The following ARHGEF7 variants were observed in gnomAD, a reference collection of about 807,000 sequenced individuals.
ARHGEF7 encodes the protein PAK-interacting exchange factor beta.
A neutral mutation model predicts 109.8 loss-of-function variants in ARHGEF7; 33 were observed. The ratio of observed to expected loss-of-function variants is 0.30; its 90% CI spans 0.23 to 0.40. The LOEUF is 0.40. Ranked by LOEUF, ARHGEF7 falls within the 10% of genes least tolerant of loss-of-function variation. ARHGEF7 has a pLI of 1.00. For missense variants in ARHGEF7, 938 were observed against 1,098.5 expected, an observed-to-expected ratio of 0.85 and a Z score of 2.07; for synonymous variants, 458 against 424.6, an observed-to-expected ratio of 1.08 and a Z score of -0.97.
intron 5 of ARHGEF7, among the ~76,000 whole-genome samples, chr13:111,221,500 T>TATAGATATGTAGAC (rs1555372674): frequency 1.2e-5 from 1 of 81,828 alleles, no homozygotes; most frequent in Non-Finnish European, 2.4e-5. Flanking sequence ...GACATATATA[T>TATAGATATGTAGAC]ATCTATATAT....
At chr13:111,195,715 G>A (rs573611705) in intron 2 of ARHGEF7, among the ~76,000 whole-genome samples, 8 of 152,290 alleles carry the variant, frequency 5.3e-5, no homozygotes, top group East Asian at 3.9e-4. Context: ...TCGGCATAGC[G>A]GACATGGATG....
At chr13:111,232,718 C>G (rs1240951310) in intron 5 of ARHGEF7, among the ~76,000 whole-genome samples, 1 of 152,140 alleles carries the variant, frequency 6.6e-6, no homozygotes, top group Non-Finnish European at 1.5e-5. Context: ...CTTTCTCCTC[C>G]TTGTCTCCTG....
rs1022420285 is a variant in ARHGEF7 at position 111,304,511 on chromosome 13, A to T, written c.*1398A>T. 1 of 152,164 alleles carries T rather than the reference A, an allele frequency of 6.6e-6. No individual in the cohort carries two copies. Among genetic ancestry groups the T allele is most frequent in the Non-Finnish European group, 1.5e-5 (1 of 68,024 alleles). The allele number at this position is 152,164 out of a possible 1,614,324, so 9.4% of individuals were successfully genotyped here. A position where few individuals can be genotyped will look rare whatever the true frequency, so the allele number is the denominator to read the frequency against. The stretch of plus-strand genomic sequence containing the variant: ...ACCGTGGATTACTGGTCTCAGAACA[A>T]CTCATTGCGCATCAGATTTGACTCT... On this transcript the variant is annotated 3_prime_UTR_variant, in exon 22 of 22. Transcript: ENST00000646102.
chr13:111,282,440 T>C (rs1414204199), intron 15 of ARHGEF7, among the ~76,000 whole-genome samples: 1 of 152,076 alleles, frequency 6.6e-6, no homozygotes, highest in Non-Finnish European at 1.5e-5. Context: ...GGCACACCGC[T>C]CTAAGAAGTT....
intron 12 of ARHGEF7, 99 bp downstream of exon 12, chr13:111,275,777 A>T (rs1226127563): frequency 2.8e-6 from 4 of 1,439,186 alleles, no homozygotes; most frequent in African/African-American, 2.8e-5. Flanking sequence ...AAAATGTCTA[A>T]TAGAAGCTCT....
chr13:111,199,292 T>C (rs957205877), intron 2 of ARHGEF7, among the ~76,000 whole-genome samples: 1 of 152,220 alleles, frequency 6.6e-6, no homozygotes, highest in Non-Finnish European at 1.5e-5. Flanking sequence ...TGGAACATAG[T>C]GTACTGAATG....
chr13:111,184,079 T>C (rs2153433919), intron 2 of ARHGEF7, among the ~76,000 whole-genome samples: 1 of 152,286 alleles, frequency 6.6e-6, no homozygotes, highest in Non-Finnish European at 1.5e-5. Flanking sequence ...GTGGAGATAA[T>C]TGAATCACGG....
At chr13:111,300,533 C>A (rs1009078464) in intron 19 of ARHGEF7, among the ~76,000 whole-genome samples, 1 of 152,172 alleles carries the variant, frequency 6.6e-6, no homozygotes, top group African/African-American at 2.4e-5. Flanking sequence ...GTTTCCTTCC[C>A]TCTCTGGCTT....
At chr13:111,122,820 C>T (rs2065422) in intron 1 of ARHGEF7, 13,292 of 152,330 alleles carry the variant, frequency 0.087, 621 homozygotes, top group Middle Eastern at 0.11. Context: ...CCAGCCCAGA[C>T]GCCTCCTTTT....
chr13:111,204,504 C>G (rs2153464779), intron 2 of ARHGEF7, among the ~76,000 whole-genome samples: 1 of 152,274 alleles, frequency 6.6e-6, no homozygotes, highest in Admixed American at 6.5e-5. Flanking sequence ...GATGAGAGCT[C>G]TGTTTGTTTT....
chr13:111,196,596 A>G (rs994506639), intron 2 of ARHGEF7, among the ~76,000 whole-genome samples: 3 of 152,200 alleles, frequency 2.0e-5, no homozygotes, highest in East Asian at 1.9e-4. Flanking sequence ...CTCTCCCCCT[A>G]CAGCTTGAAG....
In ARHGEF7 at chr13:111,273,961, C is replaced by T; in HGVS notation, c.1212+9C>T. ...TCGAGAGACACATGGAGGTACTGCG[C>T]TTTCATTCTCTTACTTGGAGTCCTT... On this transcript the variant is annotated intron_variant, in intron 10 of 21. Coordinates refer to ENST00000646102, the MANE Select transcript of ARHGEF7 (RefSeq NM_001354046.2). This position sits in a 1 kb window ranked among gnomAD's most constrained non-coding sequence, Gnocchi z 4.5. 6.2e-7 allele frequency: 1 copy of T among 1,613,722 alleles called. No individual in the cohort carries two copies. The highest frequency in any genetic ancestry group is 8.5e-7 in the Non-Finnish European group (1 of 1,179,702).
intron 5 of ARHGEF7, among the ~76,000 whole-genome samples, chr13:111,227,094 G>GAGTT (rs1252226595): frequency 2.0e-5 from 3 of 152,330 alleles, no homozygotes; most frequent in African/African-American, 7.2e-5. Context: ...AATGGATGAA[G>GAGTT]AGTTGCTCCT....
At chr13:111,136,086 G>T (rs1364561340) in intron 1 of ARHGEF7, among the ~76,000 whole-genome samples, 2 of 152,142 alleles carry the variant, frequency 1.3e-5, no homozygotes, top group Non-Finnish European at 2.9e-5. Context: ...CTGTTTATAT[G>T]CTGGATTACG....
At chr13:111,292,445 G>C in intron 19 of ARHGEF7, 151 bp downstream of exon 19, 1 of 1,457,144 alleles carries the variant, frequency 6.9e-7, no homozygotes, top group Non-Finnish European at 9.0e-7. Context: ...ACTTTTGAGA[G>C]TGTTCCTGAT....
chr13:111,178,763 A>C (rs2078423214), intron 2 of ARHGEF7, among the ~76,000 whole-genome samples: 1 of 152,216 alleles, frequency 6.6e-6, no homozygotes. Context: ...GGGCCAGCCC[A>C]GCTATGCTGA....
intron 3 of ARHGEF7, among the ~76,000 whole-genome samples, chr13:111,208,402 C>A (rs1264939928): frequency 6.6e-6 from 1 of 152,222 alleles, no homozygotes; most frequent in East Asian, 1.9e-4. Context: ...GCAGCAGCCA[C>A]AGTTACTGTG....
At chr13:111,159,032 G>A (rs1010869805) in intron 2 of ARHGEF7, 2 of 718,268 alleles carry the variant, frequency 2.8e-6, no homozygotes, top group African/African-American at 3.5e-5. Flanking sequence ...TCTAGCTCCT[G>A]TTTCCTCCTT....
At chr13:111,299,070 A>G (rs1275188284) in intron 19 of ARHGEF7, among the ~76,000 whole-genome samples, 1 of 152,156 alleles carries the variant, frequency 6.6e-6, no homozygotes. Flanking sequence ...ATGAAGGAGC[A>G]GTGTCTTGAT....
Sources: gnomAD v4.1 joint callset for allele counts (sites outside exome capture counted in the v4.1 genomes callset) on GRCh38, gnomAD v4.1.1 for gene constraint, Gnocchi (gnomAD v3.1) non-coding constraint, MANE v1.5 for transcripts, NCBI Gene and HGNC (gene_info 2026-07-23, HGNC 2026-07-21) for gene names.